Variants in ARFGEF2 observed in about 807,000 individuals in gnomAD.
ARFGEF2 encodes the protein ARF guanine nucleotide exchange factor 2.
Under a neutral mutation model 219.9 loss-of-function variants are expected in ARFGEF2, and 74 were observed. The ratio of observed to expected loss-of-function variants is 0.34; its 90% confidence interval spans 0.28 to 0.41. ARFGEF2 has a LOEUF of 0.41. Ranked by LOEUF, ARFGEF2 falls within the 10% of genes least tolerant of loss-of-function variation. ARFGEF2 has a pLI of 1.00. For missense variants in ARFGEF2, 1,743 were observed against 2,218.3 expected, an observed-to-expected ratio of 0.79 and a Z score of 4.30; for synonymous variants, 733 against 799.2, an observed-to-expected ratio of 0.92 and a Z score of 1.40.
At chr20:48,977,608 TC>T (rs2091270092) in intron 14 of ARFGEF2, among the ~76,000 whole-genome samples, 1 of 152,240 alleles carries the variant, frequency 6.6e-6, no homozygotes, top group Non-Finnish European at 1.5e-5. Flanking sequence ...GTAAAAGCGT[TC>T]CTATTTCTCC....
intron 35 of ARFGEF2, among the ~76,000 whole-genome samples, chr20:49,025,074 G>A (rs1396116666): frequency 1.3e-5 from 2 of 152,290 alleles, no homozygotes; most frequent in East Asian, 3.9e-4. Flanking sequence ...AGTGGAGGCA[G>A]CACTGATGAA....
At chr20:49,032,958 T>G in intron 38 of ARFGEF2, 65 bp from the exon 39 acceptor site, 1 of 1,486,136 alleles carries the variant, frequency 6.7e-7, no homozygotes, top group Admixed American at 1.8e-5. Context: ...TTAACACTTC[T>G]GAAAAACTGG....
chr20:49,028,528 A>C lies in ARFGEF2; in HGVS notation c.4925-2A>C. ...CTAATTATATGACTGTCTGATCTCT[A>C]GGTTTTAAGGGCAAGTCTAAACCCA... On this transcript the variant is annotated splice_acceptor_variant, in intron 36 of 38. Transcript: ENST00000371917. LOFTEE classifies it high-confidence loss of function. 1 of 1,614,066 alleles carries C rather than the reference A, an allele frequency of 6.2e-7. No homozygotes were observed. Among genetic ancestry groups the C allele is most frequent in the Non-Finnish European group, 8.5e-7 (1 of 1,179,918 alleles).
intron 34 of ARFGEF2, among the ~76,000 whole-genome samples, chr20:49,021,844 CAA>C (rs71337480): frequency 1.5e-4 from 17 of 110,138 alleles, no homozygotes; most frequent in Non-Finnish European, 1.3e-4. Flanking sequence ...GACTCTGTCT[CAA>C]AAAAAAAAAA....
rs185410549 is a variant in ARFGEF2, at chr20:49,032,729, C to T, written c.5182-294C>T. Among the ~76,000 whole-genome samples the T allele has an allele frequency of 6.9e-3, 1,046 of 151,874 alleles. 7 individuals are homozygous for T. Among genetic ancestry groups the T allele is most frequent in the Non-Finnish European group, 0.011 (770 of 67,934 alleles). On this transcript the variant is annotated intron_variant, in intron 38 of 38. Transcript: ENST00000371917. ...ACCTCAGCCTCCTGAGTAGCTGGGA[C>T]CACAGACACGCGCCACTATGCCCAG...
chr20:48,999,349 C>G (rs2091410664), intron 25 of ARFGEF2: 1 of 375,352 alleles, frequency 2.7e-6, no homozygotes, highest in Non-Finnish European at 5.2e-6. Flanking sequence ...TCCTCGTTAC[C>G]AGAAGTTTTA....
At position 49,018,856 on chromosome 20, in the gene ARFGEF2, A is replaced by G. The variant is rs141717593; in HGVS notation, c.4510-28A>G. 325 of 1,582,126 alleles carry G rather than the reference A, an allele frequency of 2.1e-4. 2 individuals carry two copies. In the East Asian group the frequency reaches 6.0e-3, roughly 29 times the overall value. ...CAAATTATCATGAAGAAAAGTGAGC[A>G]TTGTGTTTCCCTCTGGTTTACATTT... On this transcript the variant is annotated intron_variant, in intron 33 of 38. Coordinates refer to ENST00000371917, the MANE Select transcript of ARFGEF2 (RefSeq NM_006420.3).
chr20:48,997,518 C>T (rs2091399431), intron 23 of ARFGEF2, among the ~76,000 whole-genome samples: 1 of 152,208 alleles, frequency 6.6e-6, no homozygotes, highest in African/African-American at 2.4e-5. Context: ...AGTGATCCAC[C>T]TGCCTTGGCC....
At chr20:48,944,865 A>G (rs1181894055) in intron 3 of ARFGEF2, among the ~76,000 whole-genome samples, 1 of 152,178 alleles carries the variant, frequency 6.6e-6, no homozygotes, top group Admixed American at 6.5e-5. Flanking sequence ...TTTTGCAAAT[A>G]AAGTTTTATT....
At chr20:48,942,963 C>T (rs2091003182) in intron 3 of ARFGEF2, among the ~76,000 whole-genome samples, 1 of 152,148 alleles carries the variant, frequency 6.6e-6, no homozygotes, top group Non-Finnish European at 1.5e-5. Context: ...GGTGCTATAA[C>T]ACATGCCTGA....
chr20:49,030,727 G>A (rs533689810), intron 37 of ARFGEF2, among the ~76,000 whole-genome samples: 4 of 152,082 alleles, frequency 2.6e-5, no homozygotes, highest in Non-Finnish European at 4.4e-5. Context: ...GGCCGGGCGC[G>A]GTGGGTCACA....
intron 6 of ARFGEF2, among the ~76,000 whole-genome samples, chr20:48,961,602 A>G (rs6125504): frequency 0.096 from 14,539 of 152,168 alleles, 916 homozygotes; most frequent in Non-Finnish European, 0.13. Flanking sequence ...GGTGGCTCAC[A>G]CCTGTAATCC....
intron 33 of ARFGEF2, among the ~76,000 whole-genome samples, chr20:49,018,537 G>A (rs2091545095): frequency 1.3e-5 from 2 of 152,128 alleles, no homozygotes; most frequent in African/African-American, 4.8e-5. Flanking sequence ...TGCCTGGCCT[G>A]TTGTCAACTT....
chr20:48,954,671 G>A (rs577628418), intron 6 of ARFGEF2, among the ~76,000 whole-genome samples: 1 of 152,302 alleles, frequency 6.6e-6, no homozygotes, highest in African/African-American at 2.4e-5. Flanking sequence ...ACTGCTTGAT[G>A]TACATGAGAA....
chr20:48,976,317 G>A lies in ARFGEF2; in HGVS notation c.1958+118G>A, dbSNP rs1568716560. On this transcript the variant is annotated intron_variant, in intron 14 of 38. Coordinates refer to ENST00000371917, the MANE Select transcript of ARFGEF2 (RefSeq NM_006420.3). ...TTACAAAAGGCTGGTGCTGGCACTT[G>A]TAGCTAAGCCTGATTGAGCCAGGCA... The A allele has an allele frequency of 3.1e-6, 4 of 1,278,254 alleles. No homozygotes were observed. The South Asian group carries it at 3.9e-5, about 12-fold the overall frequency. 79.2% of individuals were successfully genotyped at this position (1,278,254 alleles called of 1,614,324 possible).
chr20:49,023,126 T>C lies in ARFGEF2; in HGVS notation c.4700T>C (p.Val1567Ala), dbSNP rs1347452507. Residue 1567 changes from valine to alanine, a missense_variant, in exon 35 of 39, where the codon GTG (valine) becomes GCG (alanine). Coordinates refer to ENST00000371917, the MANE Select transcript of ARFGEF2 (RefSeq NM_006420.3). ...TTGATACAGACCATTGACAACATTG[T>C]GTTCTACCCTGCGACGAGCAAAAAG... The part of the protein sequence containing the change: ...LELIQTIDNI[V>A]FYPATSKKED... The C allele has an allele frequency of 1.2e-6, 2 of 1,614,232 alleles. No homozygotes were observed. The highest frequency in any genetic ancestry group is 4.5e-5 in the East Asian group (2 of 44,886).
intron 14 of ARFGEF2, among the ~76,000 whole-genome samples, chr20:48,978,586 T>G (rs2091276727): frequency 6.6e-6 from 1 of 152,226 alleles, no homozygotes; most frequent in Non-Finnish European, 1.5e-5. Flanking sequence ...ATGATATTGA[T>G]TCTTCCTATC....
chr20:48,950,010 G>T (rs1246161376), intron 3 of ARFGEF2, among the ~76,000 whole-genome samples: 1 of 152,138 alleles, frequency 6.6e-6, no homozygotes, highest in Non-Finnish European at 1.5e-5. Context: ...GTAGGTCTGG[G>T]TCGGAGTCCA....
At chr20:48,974,715 T>C (rs754686694) in intron 12 of ARFGEF2, 51 bp from the exon 13 acceptor site, 3 of 1,456,376 alleles carry the variant, frequency 2.1e-6, no homozygotes, top group Admixed American at 1.8e-5. Flanking sequence ...TAGATGTCTG[T>C]TCTCTTCATT....
Sources: gnomAD v4.1 joint callset for allele counts (sites outside exome capture counted in the v4.1 genomes callset) on GRCh38, gnomAD v4.1.1 for gene constraint, MANE v1.5 for transcripts, NCBI Gene and HGNC (gene_info 2026-07-23, HGNC 2026-07-21) for gene names.